Variants in KIF16B observed in about 807,000 individuals in gnomAD.
KIF16B encodes kinesin-like protein KIF16B.
Under a neutral mutation model 156.3 loss-of-function variants are expected in KIF16B, and 98 were observed. That is an observed-to-expected ratio of 0.63 (90% CI 0.53 to 0.74). KIF16B has a LOEUF of 0.74. Among genes scored for constraint, KIF16B ranks in the 30% least tolerant of loss-of-function variants. KIF16B has a pLI of 0.00. For synonymous variants in KIF16B, 564 were observed against 583.7 expected (o/e 0.97, Z 0.49); for missense variants, 1,421 against 1,606.5 (o/e 0.88, Z 1.97).
At chr20:16,305,486 G>C (rs956592805) in intron 25 of KIF16B, among the ~76,000 whole-genome samples, 2 of 152,124 alleles carry the variant, frequency 1.3e-5, no homozygotes, top group Admixed American at 1.3e-4. Flanking sequence ...TGTAATTTCA[G>C]GGTAACTGGA....
At chr20:16,306,287 C>T (rs2063539517) in intron 25 of KIF16B, among the ~76,000 whole-genome samples, 1 of 152,046 alleles carries the variant, frequency 6.6e-6, no homozygotes. Context: ...AGGCAGAAGT[C>T]CAGGGCATAC....
intron 25 of KIF16B, among the ~76,000 whole-genome samples, chr20:16,279,785 C>T (rs931492875): frequency 2.0e-5 from 3 of 152,180 alleles, no homozygotes; most frequent in Admixed American, 6.5e-5. Context: ...ATTTCCAATG[C>T]CATTTCAAAA....
intron 22 of KIF16B, chr20:16,366,849 C>G (rs1238208177): frequency 3.7e-6 from 4 of 1,094,978 alleles, no homozygotes; most frequent in Non-Finnish European, 4.4e-6. Flanking sequence ...AACAAACAAT[C>G]AGAAATGCTT....
chr20:16,330,093 T>C (rs2063921701), intron 24 of KIF16B, among the ~76,000 whole-genome samples: 1 of 152,206 alleles, frequency 6.6e-6, no homozygotes, highest in South Asian at 2.1e-4. Flanking sequence ...CTTCCCAGAA[T>C]TTTATGGAAC....
intron 1 of KIF16B, among the ~76,000 whole-genome samples, chr20:16,555,054 G>GA (rs757595206): frequency 1.3e-5 from 2 of 152,244 alleles, no homozygotes; most frequent in African/African-American, 2.4e-5. Flanking sequence ...TGAGTGGACA[G>GA]AATGAGCCTG....
At chr20:16,544,136 A>G (rs988208012) in intron 1 of KIF16B, among the ~76,000 whole-genome samples, 19 of 152,108 alleles carry the variant, frequency 1.2e-4, no homozygotes, top group African/African-American at 4.3e-4. Flanking sequence ...ACGCGCACTT[A>G]GCCTCATTTC....
At chr20:16,564,419 A>G (rs767345787) in intron 1 of KIF16B, among the ~76,000 whole-genome samples, 47 of 152,238 alleles carry the variant, frequency 3.1e-4, no homozygotes, top group Non-Finnish European at 5.9e-4. Flanking sequence ...AGGACAAAAA[A>G]CCAAACACCG....
chr20:16,398,772 G>T (rs1182008297), intron 17 of KIF16B, among the ~76,000 whole-genome samples: 1 of 152,152 alleles, frequency 6.6e-6, no homozygotes, highest in Non-Finnish European at 1.5e-5. Flanking sequence ...ATTCCCAAGG[G>T]ATAGAGTGGG....
At chr20:16,498,720 T>C (rs1306918562) in intron 10 of KIF16B, among the ~76,000 whole-genome samples, 1 of 152,020 alleles carries the variant, frequency 6.6e-6, no homozygotes, top group East Asian at 1.9e-4. Flanking sequence ...GGACTATCCT[T>C]ATGCCCACTG....
chr20:16,531,934 G>A (rs1053061244), intron 1 of KIF16B, among the ~76,000 whole-genome samples: 69 of 152,052 alleles, frequency 4.5e-4, no homozygotes, highest in Admixed American at 6.6e-5. Context: ...CGGGTGTGGT[G>A]GCGGGCACCT....
chr20:16,516,870 TA>T (rs936844705), intron 3 of KIF16B, among the ~76,000 whole-genome samples: 2 of 152,252 alleles, frequency 1.3e-5, no homozygotes, highest in African/African-American at 4.8e-5. Flanking sequence ...CATATTCTTC[TA>T]AACTCCCTAT....
At chr20:16,543,868 C>A (rs1019040072) in intron 1 of KIF16B, among the ~76,000 whole-genome samples, 6 of 152,268 alleles carry the variant, frequency 3.9e-5, no homozygotes, top group African/African-American at 1.4e-4. Context: ...ACTCAAAGCT[C>A]CCACTACAGA....
At chr20:16,425,872 T>A (rs2146408620) in intron 15 of KIF16B, among the ~76,000 whole-genome samples, 1 of 152,202 alleles carries the variant, frequency 6.6e-6, no homozygotes, top group Non-Finnish European at 1.5e-5. Context: ...TTTAATTGAC[T>A]CCCACTTCCA....
Position 16,508,078 on chromosome 20 carries a change from C to CT in KIF16B, c.578dup (p.Asn194GlufsTer4). The CT allele has an allele frequency of 3.1e-6, 5 of 1,614,090 alleles. No individual in the cohort carries two copies. Among genetic ancestry groups the CT allele is most frequent in the Non-Finnish European group, 4.2e-6 (5 of 1,179,990 alleles). ...TAAGTTCTTCTACGTCACCATAATT[C>CT]TGTACTAAATGTTTGGATAAATCTG... On this transcript the variant is annotated frameshift_variant, in exon 7 of 26. Transcript: ENST00000354981. LOFTEE classifies it high-confidence loss of function.
chr20:16,440,379 T>C (rs956066700), intron 12 of KIF16B, among the ~76,000 whole-genome samples: 1 of 152,100 alleles, frequency 6.6e-6, no homozygotes. Context: ...CATAAATAAT[T>C]TAATAACTGT....
At chr20:16,373,289 G>C (rs1884598) in intron 20 of KIF16B, among the ~76,000 whole-genome samples, 104,181 of 152,166 alleles carry the variant, frequency 0.68, 36,891 homozygotes, top group East Asian at 0.99. Flanking sequence ...AAATTTGAAA[G>C]TAACCCTGTG....
At chr20:16,348,915 C>T (rs968988916) in intron 23 of KIF16B, among the ~76,000 whole-genome samples, 1 of 152,196 alleles carries the variant, frequency 6.6e-6, no homozygotes, top group African/African-American at 2.4e-5. Flanking sequence ...GGAAATGCTG[C>T]CTCATGATAT....
At chr20:16,424,334 G>A (rs149826313) in intron 15 of KIF16B, among the ~76,000 whole-genome samples, 14 of 152,194 alleles carry the variant, frequency 9.2e-5, no homozygotes, top group African/African-American at 1.4e-4. Context: ...ATGTTAGAGC[G>A]TCTTTGACGG....
chr20:16,277,069 C>T (rs574793225), intron 25 of KIF16B, among the ~76,000 whole-genome samples: 1 of 152,266 alleles, frequency 6.6e-6, no homozygotes, highest in South Asian at 2.1e-4. Context: ...TTTCTAGCAC[C>T]AGAGATTCGA....
Sources: gnomAD v4.1 joint callset for allele counts (sites outside exome capture counted in the v4.1 genomes callset) on GRCh38, gnomAD v4.1.1 for gene constraint, MANE v1.5 for transcripts, NCBI Gene and HGNC (gene_info 2026-07-23, HGNC 2026-07-21) for gene names.